CDH13: variants seen among roughly 807,000 people sequenced by gnomAD.
CDH13 encodes cadherin 13, also known as cadherin-13.
A neutral mutation model predicts 63.8 loss-of-function variants in CDH13; 24 were observed. The ratio of observed to expected loss-of-function variants is 0.38; its 90% CI spans 0.27 to 0.53. CDH13 has a LOEUF of 0.53. CDH13 is among the 20% of genes least tolerant of loss of function. The probability of loss-of-function intolerance (pLI) is 0.85; values close to 1 mark genes in which losing one functional copy is unlikely to be tolerated. For synonymous variants in CDH13, 503 were observed against 355.3 expected (o/e 1.42, Z -4.67); for missense variants, 1,049 against 903.1 (o/e 1.16, Z -2.07).
Position 83,516,722 on chromosome 16 carries a change from A to T in CDH13, c.960+30067A>T, listed in dbSNP as rs539256239. ...ACAGTATTTAAAATGAATATATAGT[A>T]AAAAAGCCAGCTGCCTCCCCTGTCA... On this transcript the variant is annotated intron_variant, in intron 7 of 13. Transcript: ENST00000567109. Among the ~76,000 whole-genome samples the T allele has an allele frequency of 4.6e-5, 7 of 152,318 alleles. No individual in the cohort carries two copies. The South Asian group carries it at 1.5e-3, about 32-fold the overall frequency.
At chr16:83,237,980 A>G (rs1904277892) in intron 5 of CDH13, among the ~76,000 whole-genome samples, 1 of 152,226 alleles carries the variant, frequency 6.6e-6, no homozygotes, top group African/African-American at 2.4e-5. Context: ...GCAGAGGGCT[A>G]GGAATTTAAT....
intron 6 of CDH13, among the ~76,000 whole-genome samples, chr16:83,450,958 T>C (rs2072871208): frequency 6.6e-6 from 1 of 152,138 alleles, no homozygotes; most frequent in South Asian, 2.1e-4. Flanking sequence ...CTGGAGGGCT[T>C]GTGAAAATCC....
At chr16:83,489,121 G>A (rs17686577) in intron 7 of CDH13, among the ~76,000 whole-genome samples, 36,508 of 152,020 alleles carry the variant, frequency 0.24, 4,386 homozygotes, top group Middle Eastern at 0.35. Context: ...TGATTTCTCC[G>A]TTTCAGCTTC....
At chr16:83,711,584 T>G (rs990459300) in intron 10 of CDH13, among the ~76,000 whole-genome samples, 2 of 152,236 alleles carry the variant, frequency 1.3e-5, no homozygotes, top group Non-Finnish European at 2.9e-5. Flanking sequence ...GGCGCAATCT[T>G]GACTCACCAC....
intron 2 of CDH13, among the ~76,000 whole-genome samples, chr16:82,982,228 G>T (rs1207949248): frequency 1.3e-5 from 2 of 151,882 alleles, no homozygotes; most frequent in Non-Finnish European, 2.9e-5. Flanking sequence ...TGTAAAATAA[G>T]AATTTCTTCT....
At chr16:83,425,779 C>G (rs898598187) in intron 6 of CDH13, among the ~76,000 whole-genome samples, 5 of 151,958 alleles carry the variant, frequency 3.3e-5, no homozygotes, top group Non-Finnish European at 1.5e-5. Context: ...CTTCCTTTGT[C>G]TCTTTCTTCT....
intron 6 of CDH13, among the ~76,000 whole-genome samples, chr16:83,347,136 C>T (rs1356228275): frequency 6.6e-6 from 1 of 152,186 alleles, no homozygotes; most frequent in Non-Finnish European, 1.5e-5. Context: ...GCCCCCGAAG[C>T]ATTCATGAGG....
intron 5 of CDH13, among the ~76,000 whole-genome samples, chr16:83,301,458 A>C (rs1022137991): frequency 1.3e-5 from 2 of 152,118 alleles, no homozygotes; most frequent in African/African-American, 4.8e-5. Context: ...GATGGAGCTC[A>C]TCATTTCGGA....
intron 1 of CDH13, among the ~76,000 whole-genome samples, chr16:82,818,315 T>C (rs1816418675): frequency 6.6e-6 from 1 of 152,126 alleles, no homozygotes; most frequent in African/African-American, 2.4e-5. Context: ...GAAGCTGATA[T>C]TCAAACTAAG....
intron 5 of CDH13, among the ~76,000 whole-genome samples, chr16:83,252,654 C>G (rs972634385): frequency 6.6e-6 from 1 of 152,036 alleles, no homozygotes; most frequent in Non-Finnish European, 1.5e-5. Context: ...GGATTAAGGG[C>G]CAACCTGGGG....
chr16:83,701,056 A>T (rs751065994), intron 10 of CDH13, among the ~76,000 whole-genome samples: 1 of 152,194 alleles, frequency 6.6e-6, no homozygotes, highest in Non-Finnish European at 1.5e-5. Flanking sequence ...GATTCTAGGG[A>T]CATTTTTCAT....
chr16:82,924,586 A>C (rs1385023845), intron 2 of CDH13, among the ~76,000 whole-genome samples: 1 of 152,074 alleles, frequency 6.6e-6, no homozygotes, highest in Non-Finnish European at 1.5e-5. Flanking sequence ...TTATTCTAGC[A>C]CCTTACGAAA....
At chr16:83,675,917 T>G (rs538413454) in intron 9 of CDH13, among the ~76,000 whole-genome samples, 68 of 152,342 alleles carry the variant, frequency 4.5e-4, no homozygotes, top group Non-Finnish European at 7.6e-4. Flanking sequence ...ATTCATTCAT[T>G]CATGCAATAT....
At chr16:83,256,241 C>G (rs1234843644) in intron 5 of CDH13, among the ~76,000 whole-genome samples, 1 of 152,066 alleles carries the variant, frequency 6.6e-6, no homozygotes, top group Non-Finnish European at 1.5e-5. Flanking sequence ...CCATGTTGCC[C>G]AGGCTGGTCT....
chr16:82,733,623 T>G (rs983408598), intron 1 of CDH13, among the ~76,000 whole-genome samples: 2 of 152,174 alleles, frequency 1.3e-5, no homozygotes, highest in African/African-American at 2.4e-5. Flanking sequence ...AACTGAGGCT[T>G]AGTGAGGTTC....
chr16:82,932,679 C>A (rs1447960880), intron 2 of CDH13, among the ~76,000 whole-genome samples: 1 of 152,120 alleles, frequency 6.6e-6, no homozygotes, highest in African/African-American at 2.4e-5. Flanking sequence ...TTAGCATAGA[C>A]CTTTAGGTTT....
intron 2 of CDH13, among the ~76,000 whole-genome samples, chr16:82,861,623 A>G (rs1046302512): frequency 6.6e-6 from 1 of 152,074 alleles, no homozygotes; most frequent in African/African-American, 2.4e-5. Context: ...AACTGTTACT[A>G]ATGGTCACCT....
At chr16:83,434,166 G>A (rs568023133) in intron 6 of CDH13, among the ~76,000 whole-genome samples, 4 of 152,068 alleles carry the variant, frequency 2.6e-5, no homozygotes, top group Non-Finnish European at 4.4e-5. Flanking sequence ...CCACCTTGCC[G>A]CTCAGGTTAT....
chr16:83,300,501 A>G (rs2089708443), intron 5 of CDH13, among the ~76,000 whole-genome samples: 1 of 152,222 alleles, frequency 6.6e-6, no homozygotes, highest in African/African-American at 2.4e-5. Flanking sequence ...ACAAGTTACC[A>G]GCTGAGTAGG....
Sources: allele counts gnomAD v4.1 joint callset (sites outside exome capture counted in the v4.1 genomes callset), GRCh38; gene constraint gnomAD v4.1.1; transcripts MANE v1.5; gene names NCBI Gene and HGNC (gene_info 2026-07-23, HGNC 2026-07-21).